The following CST7 variants were observed in gnomAD, a reference collection of about 807,000 sequenced individuals.
CST7 encodes the protein cystatin F.
A neutral mutation model predicts 13.1 loss-of-function variants in CST7; 15 were observed. The ratio of observed to expected loss-of-function variants is 1.14; its 90% CI spans 0.77 to 1.76. The LOEUF (loss-of-function observed/expected upper bound fraction) is 1.76. CST7 is among the 40% of genes most tolerant of loss of function. CST7 has a pLI of 0.00. For synonymous variants in CST7, 75 were observed against 66.9 expected (o/e 1.12, Z -0.59); for missense variants, 193 against 178.8 (o/e 1.08, Z -0.45).
chr20:24,957,610 G>A, intron 2 of CST7, 151 bp downstream of exon 2: 1 of 768,000 alleles, frequency 1.3e-6, no homozygotes, highest in Non-Finnish European at 2.1e-6. Context: ...AGGGGTGGGA[G>A]TGGACAGCAG....
chr20:24,954,399 T>C (rs553373484), intron 1 of CST7, among the ~76,000 whole-genome samples: 3 of 152,290 alleles, frequency 2.0e-5, no homozygotes, highest in African/African-American at 7.2e-5. Context: ...CTCTTCACAG[T>C]TCCTTGACTC....
At chr20:24,951,914 G>C (rs557155143) in intron 1 of CST7, among the ~76,000 whole-genome samples, 1 of 152,202 alleles carries the variant, frequency 6.6e-6, no homozygotes, top group Non-Finnish European at 1.5e-5. Context: ...TAGCTGCAAC[G>C]GCCCATCTGC....
chr20:24,957,446 G>C lies in CST7; in HGVS notation c.230G>C (p.Arg77Thr), dbSNP rs142293676. The C allele has an allele frequency of 8.7e-4, 1,410 of 1,613,664 alleles. 6 individuals carry two copies. The highest frequency in any genetic ancestry group is 7.3e-3 in the South Asian group (661 of 91,080). ...MFLFKESRIT[R>T]ALVQIVKGLK... is the part of the protein sequence containing the mutation. The stretch of plus-strand genomic sequence containing the variant: ...TTGTTCAAGGAGTCCCGCATCACAA[G>C]GGCCCTAGTTCAGGTAACGGTCTGG... The change falls in exon 2 of 4, where the codon AGG becomes ACG. Residue 77 changes from arginine to threonine, a missense_variant. Physicochemically the swap from Arg to Thr is moderately conservative, Grantham distance 71. Coordinates refer to ENST00000480798, the MANE Select transcript of CST7 (RefSeq NM_003650.4).
chr20:24,952,827 C>T (rs570221332), intron 1 of CST7, among the ~76,000 whole-genome samples: 37 of 152,336 alleles, frequency 2.4e-4, no homozygotes, highest in Admixed American at 2.3e-3. Flanking sequence ...GGCTTCCCAA[C>T]CTCCCGGCCA....
In CST7 at chr20:24,957,790, C is replaced by T. The variant is rs577117195; in HGVS notation, c.243+331C>T. ...CGCCAAGGCTGATGGGGGAGAAAGCCGCTGTCCGAGGAGCTGCCCCTGCTG... is the reference window on the plus strand; with the variant it reads ...CGCCAAGGCTGATGGGGGAGAAAGCTGCTGTCCGAGGAGCTGCCCCTGCTG... On this transcript the variant is annotated intron_variant, in intron 2 of 3. Coordinates refer to ENST00000480798, the MANE Select transcript of CST7 (RefSeq NM_003650.4). Among the ~76,000 whole-genome samples the T allele has an allele frequency of 1.1e-4, 16 of 152,292 alleles. No homozygotes were observed. In the South Asian group the frequency reaches 2.7e-3, roughly 26 times the overall value.
At chr20:24,951,301 C>T (rs543781024) in intron 1 of CST7, among the ~76,000 whole-genome samples, 5 of 152,144 alleles carry the variant, frequency 3.3e-5, no homozygotes, top group African/African-American at 9.7e-5. Flanking sequence ...AGAGGTGGCT[C>T]GGGGAAGGCA....
chr20:24,950,240 G>T (rs2087811112), intron 1 of CST7, among the ~76,000 whole-genome samples: 1 of 152,232 alleles, frequency 6.6e-6, no homozygotes, highest in Non-Finnish European at 1.5e-5. Flanking sequence ...GACTTGGGAG[G>T]CCCCCACCTC....
rs371415469 is a variant in CST7 at position 24,959,000 on chromosome 20, C to A, written c.316C>A (p.Arg106Ser). Residue 106 changes from arginine to serine, a missense_variant, in exon 3 of 4, where the codon CGT becomes AGT. Physicochemically the swap from Arg to Ser is moderately radical, Grantham distance 110. Coordinates refer to ENST00000480798, the MANE Select transcript of CST7 (RefSeq NM_003650.4). ...TACCTGCAAGAAAAACCAGCACCTG[C>A]GTCTGGATGACTGTGACTTCCAAAC... Reference protein sequence around the residue: ...RTTCKKNQHLRLDDCDFQTNH... With the variant: ...RTTCKKNQHLSLDDCDFQTNH... 6.2e-6 allele frequency: 10 copies of A among 1,614,036 alleles called. No homozygotes were observed. Among genetic ancestry groups the A allele is most frequent in the East Asian group, 2.2e-5 (1 of 44,882 alleles).
intron 1 of CST7, among the ~76,000 whole-genome samples, chr20:24,956,132 G>A (rs1369695419): frequency 1.3e-5 from 2 of 152,126 alleles, no homozygotes; most frequent in African/African-American, 4.8e-5. Context: ...CACTCCCGGC[G>A]CTGCACCACC....
In CST7 at chr20:24,959,709, C is replaced by T. The variant is rs955741603; in HGVS notation, c.435C>T (p.His145=). Residue 145 remains histidine (H), a synonymous_variant, in exon 4 of 4, where the codon CAC becomes CAT. Transcript: ENST00000480798. ...TCGAGGTGCCTGTTCTCCGTTGTCA[C>T]TGACCCCCGCCTCTTCAGCAAGACC... ...QHFEVPVLRC[H] is the part of the protein sequence containing the mutation. 5.6e-6 allele frequency: 9 copies of T among 1,613,898 alleles called. No individual in the cohort carries two copies. Among genetic ancestry groups the T allele is most frequent in the Admixed American group, 1.7e-5 (1 of 60,010 alleles).
At chr20:24,958,781 A>G (rs1405571101) in intron 2 of CST7, 147 bp from the exon 3 acceptor site, 3 of 653,066 alleles carry the variant, frequency 4.6e-6, no homozygotes, top group Non-Finnish European at 5.5e-6. Flanking sequence ...GCTCTGCCGT[A>G]AGCCCGAAGC....
chr20:24,955,058 A>C (rs558827020), intron 1 of CST7, among the ~76,000 whole-genome samples: 9 of 152,174 alleles, frequency 5.9e-5, no homozygotes, highest in South Asian at 4.2e-4. Flanking sequence ...ACAACAACAA[A>C]AAAAAACGCT....
intron 1 of CST7, among the ~76,000 whole-genome samples, chr20:24,952,450 C>T (rs548176068): frequency 3.2e-4 from 49 of 152,358 alleles, no homozygotes; most frequent in Non-Finnish European, 4.6e-4. Context: ...CATTAGCCAT[C>T]AGGCAGAGAC....
chr20:24,950,971 T>C (rs763822231), intron 1 of CST7, among the ~76,000 whole-genome samples: 3 of 152,182 alleles, frequency 2.0e-5, no homozygotes, highest in Non-Finnish European at 2.9e-5. Context: ...TAATTAAACC[T>C]ACTGACTGCT....
At chr20:24,954,356 GGAGCAAACCCA>G (rs1215162547) in intron 1 of CST7, among the ~76,000 whole-genome samples, 4 of 152,308 alleles carry the variant, frequency 2.6e-5, no homozygotes, top group Non-Finnish European at 5.9e-5. Context: ...TCAGTTGCAC[GGAGCAAACCCA>G]GAGCCCCCTC....
intron 1 of CST7, among the ~76,000 whole-genome samples, chr20:24,956,312 TCCTGGC>T (rs2087853846): frequency 6.6e-6 from 1 of 152,172 alleles, no homozygotes; most frequent in South Asian, 2.1e-4. Flanking sequence ...GACACTGACG[TCCTGGC>T]AAGGCCTCCC....
chr20:24,959,107 C>G, intron 3 of CST7, 63 bp downstream of exon 3: 2 of 1,290,786 alleles, frequency 1.5e-6, no homozygotes, highest in Non-Finnish European at 2.2e-6. Context: ...CCTCCCAGGA[C>G]TGTGAAAAAC....
intron 1 of CST7, among the ~76,000 whole-genome samples, chr20:24,953,973 T>C (rs574380927): frequency 1.3e-5 from 2 of 151,988 alleles, no homozygotes; most frequent in Admixed American, 1.3e-4. Flanking sequence ...AGCTCCCTCC[T>C]CCCCTAGGCC....
At position 24,957,537 on chromosome 20, in the gene CST7, C is replaced by T. The variant is rs140894411; in HGVS notation, c.243+78C>T. 749 of 1,408,300 alleles carry T rather than the reference C, an allele frequency of 5.3e-4. 3 individuals are homozygous for T. The highest frequency in any genetic ancestry group is 1.6e-3 in the Middle Eastern group (7 of 4,376). 87.2% of individuals were successfully genotyped at this position (1,408,300 alleles called of 1,614,324 possible). On this transcript the variant is annotated intron_variant, in intron 2 of 3. Transcript: ENST00000480798. ...TGCTACAACGCGACACCTAGGAGAG[C>T]AGGGCGGATATAATGTGAAGTCCCT...
Sources: allele counts gnomAD v4.1 joint callset (sites outside exome capture counted in the v4.1 genomes callset), GRCh38; gene constraint gnomAD v4.1.1; transcripts MANE v1.5; gene names NCBI Gene and HGNC (gene_info 2026-07-23, HGNC 2026-07-21).